Variants in USP10 observed in about 807,000 individuals in gnomAD.
USP10 encodes the protein ubiquitin carboxyl-terminal hydrolase 10.
In USP10, 22 loss-of-function variants were observed where a neutral mutation model predicts 84.5. The ratio of observed to expected loss-of-function variants is 0.26; its 90% CI spans 0.19 to 0.37. USP10 has a LOEUF of 0.37. USP10 is among the 10% of genes least tolerant of loss of function. The pLI is 1.00. For missense variants in USP10, 1,019 were observed against 998.9 expected (o/e 1.02, Z -0.27); for synonymous variants, 454 against 387.6 (o/e 1.17, Z -2.01).
At chr16:84,772,714 C>T (rs751505832) in intron 12 of USP10, 29 bp downstream of exon 12, 52 of 1,611,326 alleles carry the variant, frequency 3.2e-5, no homozygotes, top group Non-Finnish European at 4.1e-5. Flanking sequence ...CGGGAGTGTT[C>T]GTGGTGACAC....
intron 11 of USP10, among the ~76,000 whole-genome samples, chr16:84,771,279 A>C (rs964992966): frequency 2.0e-5 from 3 of 152,198 alleles, no homozygotes; most frequent in Non-Finnish European, 2.9e-5. Flanking sequence ...GTTATTTAAA[A>C]CATCTAATTG....
At chr16:84,714,986 G>T (rs1232570964) in intron 1 of USP10, among the ~76,000 whole-genome samples, 6 of 150,498 alleles carry the variant, frequency 4.0e-5, no homozygotes, top group Non-Finnish European at 8.9e-5. Flanking sequence ...CTGGAGTGCA[G>T]TTCGCAGTCT....
chr16:84,734,942 T>C (rs910310130), intron 2 of USP10, among the ~76,000 whole-genome samples: 6 of 152,266 alleles, frequency 3.9e-5, no homozygotes, highest in Admixed American at 2.6e-4. Flanking sequence ...GCATCTCCCC[T>C]GGTTCCGAGT....
intron 1 of USP10, among the ~76,000 whole-genome samples, chr16:84,717,655 C>T (rs576150784): frequency 2.0e-5 from 3 of 152,096 alleles, no homozygotes; most frequent in Non-Finnish European, 2.9e-5. Context: ...TGCAGATACC[C>T]AGGCATAGGT....
chr16:84,750,554 G>A (rs760015188), intron 4 of USP10, among the ~76,000 whole-genome samples: 2 of 152,122 alleles, frequency 1.3e-5, no homozygotes, highest in African/African-American at 2.4e-5. Context: ...TGGAGTTGAC[G>A]AACATGTGAC....
At chr16:84,778,548 C>G (rs960881241) in intron 13 of USP10, among the ~76,000 whole-genome samples, 5 of 152,190 alleles carry the variant, frequency 3.3e-5, no homozygotes, top group Non-Finnish European at 1.5e-5. Context: ...GAGTCAGCCA[C>G]ATCCAAGGGC....
At chr16:84,778,858 C>A in intron 13 of USP10, 37 bp from the exon 14 acceptor site, 2 of 1,591,878 alleles carry the variant, frequency 1.3e-6, no homozygotes, top group Non-Finnish European at 1.7e-6. Context: ...GTGTGCAGTG[C>A]TGTTCTCACT....
At chr16:84,738,655 G>GC (rs1005747019) in intron 2 of USP10, among the ~76,000 whole-genome samples, 1 of 152,212 alleles carries the variant, frequency 6.6e-6, no homozygotes, top group African/African-American at 2.4e-5. Flanking sequence ...GTACTAGGTT[G>GC]CCCCCTGGTG....
intron 1 of USP10, among the ~76,000 whole-genome samples, chr16:84,717,821 T>C (rs1227276089): frequency 1.3e-5 from 2 of 152,238 alleles, no homozygotes; most frequent in Non-Finnish European, 1.5e-5. Flanking sequence ...GTGTATGTGA[T>C]TTCAGTACGG....
intron 2 of USP10, among the ~76,000 whole-genome samples, chr16:84,737,570 C>T (rs17763304): frequency 0.28 from 43,178 of 152,108 alleles, 7,443 homozygotes; most frequent in Non-Finnish European, 0.4. Context: ...CAGGTGCGCT[C>T]TTTTATCAGC....
intron 1 of USP10, among the ~76,000 whole-genome samples, chr16:84,703,520 G>C (rs1905141001): frequency 1.3e-5 from 2 of 152,174 alleles, no homozygotes; most frequent in Admixed American, 6.6e-5. Flanking sequence ...CTGAATATCT[G>C]TTTCTAGCCA....
intron 1 of USP10, among the ~76,000 whole-genome samples, chr16:84,710,270 A>G (rs974038812): frequency 2.2e-4 from 25 of 113,414 alleles, no homozygotes; most frequent in East Asian, 7.8e-4. Context: ...TCCATCTCGG[A>G]AAAAAAAAAA....
intron 1 of USP10, among the ~76,000 whole-genome samples, chr16:84,725,541 G>A (rs1908346611): frequency 6.6e-6 from 1 of 151,996 alleles, no homozygotes; most frequent in Non-Finnish European, 1.5e-5. Context: ...GCTGAGATTA[G>A]AGGCGCCTGC....
intron 1 of USP10, among the ~76,000 whole-genome samples, chr16:84,720,957 G>A (rs533328357): frequency 7.4e-5 from 11 of 147,740 alleles, no homozygotes; most frequent in African/African-American, 2.3e-4. Flanking sequence ...GCAGTGGCGC[G>A]ATCTCAGCTC....
chr16:84,738,411 A>G (rs1037017820), intron 2 of USP10, among the ~76,000 whole-genome samples: 6 of 152,180 alleles, frequency 3.9e-5, no homozygotes, highest in African/African-American at 9.7e-5. Context: ...AGGGCATTCT[A>G]TGTATCAGTT....
intron 2 of USP10, among the ~76,000 whole-genome samples, chr16:84,737,651 G>T (rs1910104370): frequency 6.6e-6 from 1 of 152,194 alleles, no homozygotes; most frequent in Admixed American, 6.5e-5. Flanking sequence ...GTTTGCTGGT[G>T]GTCGTCTCAC....
chr16:84,771,354 C>A (rs1237382732), intron 11 of USP10, among the ~76,000 whole-genome samples: 1 of 152,064 alleles, frequency 6.6e-6, no homozygotes, highest in Non-Finnish European at 1.5e-5. Flanking sequence ...GAGTTCAAGA[C>A]CAGCTGGGCT....
At chr16:84,763,371 C>G (rs1230429379) in intron 9 of USP10, among the ~76,000 whole-genome samples, 4 of 152,142 alleles carry the variant, frequency 2.6e-5, no homozygotes, top group African/African-American at 7.2e-5. Context: ...GCCGAGTGTA[C>G]AGTTTTAAAC....
At chr16:84,737,013 C>T (rs1279181908) in intron 2 of USP10, among the ~76,000 whole-genome samples, 1 of 152,212 alleles carries the variant, frequency 6.6e-6, no homozygotes, top group Admixed American at 6.5e-5. Flanking sequence ...TGGTCTTGAT[C>T]TCCTGACCTC....
Sources: allele counts gnomAD v4.1 joint callset (sites outside exome capture counted in the v4.1 genomes callset), GRCh38; gene constraint gnomAD v4.1.1; transcripts MANE v1.5; gene names NCBI Gene and HGNC (gene_info 2026-07-23, HGNC 2026-07-21).